Variants in CISD3 observed in about 807,000 individuals in gnomAD.
CISD3 encodes the protein CDGSH iron-sulfur domain-containing protein 3, mitochondrial.
CISD3 carries 11 observed loss-of-function variants against 14.1 expected under a neutral mutation model. The observed-to-expected ratio is 0.78, with a 90% CI of 0.49 to 1.29. The LOEUF (loss-of-function observed/expected upper bound fraction) is 1.29, where lower values mean the gene tolerates loss of function less well. Ranked by LOEUF, CISD3 falls within the 50% of genes most tolerant of loss-of-function variation. The pLI is 0.00. For synonymous variants in CISD3, 53 were observed against 69.2 expected (o/e 0.77, Z 1.16); for missense variants, 156 against 171.6 (o/e 0.91, Z 0.51).
chr17:38,730,707 T>C (rs1906291960), intron 1 of CISD3, 53 bp from the exon 2 acceptor site: 1 of 1,544,750 alleles, frequency 6.5e-7, no homozygotes, highest in Admixed American at 2.0e-5. Context: ...ATTTTATTTT[T>C]CCGTTTCCAA....
At chr17:38,733,249 C>A (rs1906425484) in intron 3 of CISD3, 27 bp from the exon 4 acceptor site, 1 of 1,550,840 alleles carries the variant, frequency 6.4e-7, no homozygotes, top group East Asian at 2.4e-5. Flanking sequence ...GGGGTCAGGT[C>A]TTTGACTCCT....
intron 3 of CISD3, among the ~76,000 whole-genome samples, chr17:38,732,938 G>GACACACACACACACACAC (rs148830489): frequency 9.4e-5 from 11 of 116,570 alleles, no homozygotes; most frequent in African/African-American, 3.2e-4. Context: ...GAGACTCAGA[G>GACACACACACACACACAC]ACACACACAC....
Position 38,733,862 on chromosome 17 carries a change from CCTT to C in CISD3, c.*412_*414del, listed in dbSNP as rs1322089095. The C allele has an allele frequency of 5.5e-5, 10 of 182,254 alleles. No individual in the cohort carries two copies. Among genetic ancestry groups the C allele is most frequent in the East Asian group, 1.5e-4 (1 of 6,826 alleles). 11.3% of individuals were successfully genotyped at this position (182,254 alleles called of 1,614,324 possible). A position where few individuals can be genotyped will look rare whatever the true frequency, so the allele number is the denominator to read the frequency against. On this transcript the variant is annotated 3_prime_UTR_variant, in exon 4 of 4. Transcript: ENST00000613478. Reference sequence around the variant, plus strand: ...AACCCAGAGATGAGAGGCACCCTTCCCTTCTTCCCTCCACCCCAAAGAACTACA... The same window carrying C: ...AACCCAGAGATGAGAGGCACCCTTCCCTTCCCTCCACCCCAAAGAACTACA...
In CISD3 at chr17:38,735,426, T is replaced by A. The variant is rs1293516092; in HGVS notation, c.*1971T>A. 1.3e-6 allele frequency: 2 copies of A among 1,577,796 alleles called. No individual in the cohort carries two copies. Among genetic ancestry groups the A allele is most frequent in the Non-Finnish European group, 8.6e-7 (1 of 1,161,432 alleles). On this transcript the variant is annotated 3_prime_UTR_variant, in exon 4 of 4. Coordinates refer to ENST00000613478, the MANE Select transcript of CISD3 (RefSeq NM_001136498.2). ...GAGCCATGGGATGGGGTGGCTGGGC[T>A]GGGCAGGGAGGAGGAGGTGGCTGGC...
intron 1 of CISD3, 23 bp downstream of exon 1, chr17:38,730,429 A>C: frequency 7.8e-7 from 1 of 1,289,456 alleles, no homozygotes. Flanking sequence ...GCCCTGCACC[A>C]GCCCCCGTCC....
rs977180992 is a variant in CISD3 at position 38,733,508 on chromosome 17, G to A, written c.*53G>A. On this transcript the variant is annotated 3_prime_UTR_variant, in exon 4 of 4. Coordinates refer to ENST00000613478, the MANE Select transcript of CISD3 (RefSeq NM_001136498.2). Reference sequence around the variant, plus strand: ...GGCCTTGGCTCCAGGCCTCTGACAGGCACCCCCTTCTGTGGGAAAGGAAAC... The same window carrying A: ...GGCCTTGGCTCCAGGCCTCTGACAGACACCCCCTTCTGTGGGAAAGGAAAC... The A allele has an allele frequency of 3.4e-6, 5 of 1,452,906 alleles. No individual in the cohort carries two copies. The highest frequency in any genetic ancestry group is 1.4e-5 in the South Asian group (1 of 70,826). 90.0% of individuals were successfully genotyped at this position (1,452,906 alleles called of 1,614,324 possible). A position where few individuals can be genotyped will look rare whatever the true frequency, so the allele number is the denominator to read the frequency against.
chr17:38,733,205 C>T (rs1164469266), intron 3 of CISD3, 71 bp from the exon 4 acceptor site: 16 of 1,064,236 alleles, frequency 1.5e-5, no homozygotes, highest in Non-Finnish European at 2.2e-5. Context: ...TCCCCCTGAG[C>T]TCCTGCAGCC....
intron 3 of CISD3, among the ~76,000 whole-genome samples, chr17:38,732,465 T>A (rs1243790713): frequency 6.6e-6 from 1 of 152,088 alleles, no homozygotes; most frequent in African/African-American, 2.4e-5. Flanking sequence ...GAGACCCCGC[T>A]TCTACAAATG....
chr17:38,735,433 G>A lies in CISD3; in HGVS notation c.*1978G>A. 5 of 1,581,456 alleles carry A rather than the reference G, an allele frequency of 3.2e-6. No homozygotes were observed. Among genetic ancestry groups the A allele is most frequent in the Non-Finnish European group, 4.3e-6 (5 of 1,163,272 alleles). On this transcript the variant is annotated 3_prime_UTR_variant, in exon 4 of 4. Coordinates refer to ENST00000613478, the MANE Select transcript of CISD3 (RefSeq NM_001136498.2). ...GGGATGGGGTGGCTGGGCTGGGCAG[G>A]GAGGAGGAGGTGGCTGGCAGGGTGG...
chr17:38,735,346 CG>C lies in CISD3; in HGVS notation c.*1892del. On this transcript the variant is annotated 3_prime_UTR_variant, in exon 4 of 4. Transcript: ENST00000613478. ...CAGCTGTGGTGGCCCCACTGGCTGT[CG>C]AAGGGGGAGTGGGGGAGGTAGGGTG... The C allele has an allele frequency of 6.4e-7, 1 of 1,556,302 alleles. No homozygotes were observed. The highest frequency in any genetic ancestry group is 8.7e-7 in the Non-Finnish European group (1 of 1,148,004).
At chr17:38,732,800 C>A (rs1316858691) in intron 3 of CISD3, among the ~76,000 whole-genome samples, 1 of 152,112 alleles carries the variant, frequency 6.6e-6, no homozygotes, top group East Asian at 1.9e-4. Context: ...CTCCTTGTAA[C>A]CTTCACTCCC....
In CISD3 at chr17:38,734,482, A is replaced by T. The variant is rs1906516514; in HGVS notation, c.*1027A>T. Reference sequence around the variant, plus strand: ...AGAGCTGAGACCTCTCAGGGCCTGAATCTTCTTTTCCACAAGATAAATGAT... The same window carrying T: ...AGAGCTGAGACCTCTCAGGGCCTGATTCTTCTTTTCCACAAGATAAATGAT... On this transcript the variant is annotated 3_prime_UTR_variant, in exon 4 of 4. Coordinates refer to ENST00000613478, the MANE Select transcript of CISD3 (RefSeq NM_001136498.2). 1 of 151,798 alleles carries T rather than the reference A, an allele frequency of 6.6e-6. No individual in the cohort carries two copies. Among genetic ancestry groups the T allele is most frequent in the Admixed American group, 6.6e-5 (1 of 15,222 alleles). The allele number at this position is 151,798 out of a possible 1,614,324, so 9.4% of individuals were successfully genotyped here.
intron 2 of CISD3, chr17:38,731,018 C>A: frequency 1.6e-6 from 1 of 639,170 alleles, no homozygotes; most frequent in Middle Eastern, 3.2e-4. Context: ...TGTGGGTGGC[C>A]CTGCCGTAGG....
intron 1 of CISD3, 63 bp from the exon 2 acceptor site, chr17:38,730,697 A>C (rs1906291609): frequency 6.6e-7 from 1 of 1,521,194 alleles, no homozygotes; most frequent in African/African-American, 1.4e-5. Context: ...CTTTCCACTG[A>C]TTTTATTTTT....
Position 38,734,971 on chromosome 17 carries a change from A to C in CISD3, c.*1516A>C. On this transcript the variant is annotated 3_prime_UTR_variant, in exon 4 of 4. Transcript: ENST00000613478. ...ACCCCCCCCAAAAAAAATGAACACC[A>C]TTTTCCACACATACACACACACATA... The C allele has an allele frequency of 2.3e-5, 7 of 301,450 alleles. No homozygotes were observed. The highest frequency in any genetic ancestry group is 5.3e-5 in the East Asian group (1 of 18,874). The allele number at this position is 301,450 out of a possible 1,614,324, so 18.7% of individuals were successfully genotyped here.
rs1054843608 is a variant in CISD3, at chr17:38,734,221, T to A, written c.*766T>A. 3 of 152,576 alleles carry A rather than the reference T, an allele frequency of 2.0e-5. No individual in the cohort carries two copies. Among genetic ancestry groups the A allele is most frequent in the African/African-American group, 7.2e-5 (3 of 41,386 alleles). The allele number at this position is 152,576 out of a possible 1,614,324, so 9.5% of individuals were successfully genotyped here. A position where few individuals can be genotyped will look rare whatever the true frequency, so the allele number is the denominator to read the frequency against. Reference sequence around the variant, plus strand: ...TGTCTTCTTGTGCTTTTAGATGCAGTTGCTCTGTCCTGACCAGGTGACCGG... The same window carrying A: ...TGTCTTCTTGTGCTTTTAGATGCAGATGCTCTGTCCTGACCAGGTGACCGG... On this transcript the variant is annotated 3_prime_UTR_variant, in exon 4 of 4. Transcript: ENST00000613478.
intron 2 of CISD3, 112 bp from the exon 3 acceptor site, chr17:38,731,208 A>G: frequency 3.5e-6 from 5 of 1,422,528 alleles, no homozygotes; most frequent in Non-Finnish European, 4.7e-6. Flanking sequence ...AGCCTCTTGT[A>G]GAGGAAACCT....
intron 3 of CISD3, 73 bp from the exon 4 acceptor site, chr17:38,733,203 A>C: frequency 8.6e-7 from 1 of 1,162,674 alleles, no homozygotes; most frequent in Non-Finnish European, 1.2e-6. Context: ...ACTCCCCCTG[A>C]GCTCCTGCAG....
chr17:38,732,165 T>TCC, intron 3 of CISD3, among the ~76,000 whole-genome samples: 1 of 152,282 alleles, frequency 6.6e-6, no homozygotes, highest in African/African-American at 2.4e-5. Flanking sequence ...CCCCTTTCCT[T>TCC]CCTGAGCAGA....
Sources: gnomAD v4.1 joint callset for allele counts (sites outside exome capture counted in the v4.1 genomes callset) on GRCh38, gnomAD v4.1.1 for gene constraint, MANE v1.5 for transcripts, NCBI Gene and HGNC (gene_info 2026-07-23, HGNC 2026-07-21) for gene names.